The following TSPAN11 variants were observed in gnomAD, a reference collection of about 807,000 sequenced individuals.
TSPAN11 encodes the protein tetraspanin 11, also known as tetraspanin-11.
Under a neutral mutation model 32.9 loss-of-function variants are expected in TSPAN11, and 29 were observed. The observed-to-expected ratio is 0.88, with a 90% CI of 0.66 to 1.20. TSPAN11 has a LOEUF of 1.20. Among genes scored for constraint, TSPAN11 ranks in the 50% most tolerant of loss-of-function variants. TSPAN11 has a pLI of 0.00. For missense variants in TSPAN11, 283 were observed against 329.1 expected (o/e 0.86, Z 1.08); for synonymous variants, 140 against 141.3 (o/e 0.99, Z 0.07).
At chr12:30,959,867 G>C in intron 2 of TSPAN11, among the ~76,000 whole-genome samples, 1 of 151,330 alleles carries the variant, frequency 6.6e-6, no homozygotes, top group Non-Finnish European at 1.5e-5. Context: ...CAGACAGTAA[G>C]AGCACCGAGG....
At chr12:30,941,781 A>G (rs757894203) in intron 1 of TSPAN11, among the ~76,000 whole-genome samples, 2 of 152,244 alleles carry the variant, frequency 1.3e-5, no homozygotes, top group Non-Finnish European at 2.9e-5. Flanking sequence ...CCCCAGCTGC[A>G]GTCCCGCCTG....
At chr12:30,991,299 C>T (rs1205691714) in intron 7 of TSPAN11, among the ~76,000 whole-genome samples, 1 of 152,198 alleles carries the variant, frequency 6.6e-6, no homozygotes, top group Non-Finnish European at 1.5e-5. Context: ...CTCAGTTTCC[C>T]CCATGGCTCC....
At chr12:30,954,431 A>T (rs1018658659) in intron 2 of TSPAN11, 2 of 247,672 alleles carry the variant, frequency 8.1e-6, no homozygotes, top group African/African-American at 4.6e-5. Flanking sequence ...TGAAATAATA[A>T]CTTGTTTTCC....
the TSPAN11 span, among the ~76,000 whole-genome samples, chr12:31,007,458 C>A: frequency 6.6e-6 from 1 of 151,998 alleles, no homozygotes. Flanking sequence ...AGGTCGTCTG[C>A]CCTACCTGCC....
intron 2 of TSPAN11, among the ~76,000 whole-genome samples, chr12:30,959,095 G>A (rs1249542667): frequency 6.6e-6 from 1 of 152,130 alleles, no homozygotes; most frequent in Admixed American, 6.5e-5. Flanking sequence ...GGCAGGTAGG[G>A]GAGCAGATGC....
At chr12:30,936,843 G>T (rs147207533) in intron 1 of TSPAN11, among the ~76,000 whole-genome samples, 1 of 152,160 alleles carries the variant, frequency 6.6e-6, no homozygotes, top group Non-Finnish European at 1.5e-5. Flanking sequence ...CATAAATGGG[G>T]GTAGCAAAGA....
intron 1 of TSPAN11, among the ~76,000 whole-genome samples, chr12:30,945,489 C>T (rs1402852705): frequency 1.3e-5 from 2 of 152,164 alleles, no homozygotes; most frequent in Non-Finnish European, 2.9e-5. Flanking sequence ...CTCCCCAACT[C>T]TCTGCCACCC....
intron 3 of TSPAN11, among the ~76,000 whole-genome samples, chr12:30,978,109 A>C (rs1939011596): frequency 1.3e-5 from 2 of 152,020 alleles, no homozygotes; most frequent in South Asian, 4.2e-4. Flanking sequence ...GCAAATGCCT[A>C]TTCAGTCCTT....
At chr12:30,978,742 G>C (rs1055128939) in intron 4 of TSPAN11, 107 bp downstream of exon 4, 19 of 1,166,906 alleles carry the variant, frequency 1.6e-5, no homozygotes, top group Non-Finnish European at 2.4e-5. Context: ...GCACAAGGGC[G>C]GTCCTGTTTC....
At chr12:30,964,375 GTTTCC>G (rs1330547447) in intron 3 of TSPAN11, among the ~76,000 whole-genome samples, 1 of 147,598 alleles carries the variant, frequency 6.8e-6, no homozygotes, top group African/African-American at 2.6e-5. Context: ...TCCTTATCCC[GTTTCC>G]TTCTTATTCT....
chr12:30,985,272 G>A (rs987016542), intron 7 of TSPAN11, among the ~76,000 whole-genome samples: 8 of 151,986 alleles, frequency 5.3e-5, no homozygotes, highest in African/African-American at 1.9e-4. Flanking sequence ...CTGCTTGCCT[G>A]GTGGTGGGAA....
At chr12:30,990,860 G>A (rs1340409835) in intron 7 of TSPAN11, among the ~76,000 whole-genome samples, 1 of 152,210 alleles carries the variant, frequency 6.6e-6, no homozygotes, top group East Asian at 1.9e-4. Context: ...ACAGTCATGG[G>A]GCTGCTTTAG....
chr12:30,971,121 G>A (rs1045194734), intron 3 of TSPAN11, among the ~76,000 whole-genome samples: 2 of 152,122 alleles, frequency 1.3e-5, no homozygotes, highest in Non-Finnish European at 2.9e-5. Flanking sequence ...CCTGTTCTGA[G>A]AATAGGCTAG....
At chr12:30,927,122 C>T (rs1428841694) in intron 1 of TSPAN11, 1 of 988,476 alleles carries the variant, frequency 1.0e-6, no homozygotes, top group Non-Finnish European at 1.3e-6. Flanking sequence ...TCGTGCCGTC[C>T]AGCGTGCCCG....
chr12:30,957,228 A>AACC (rs1938497110), intron 2 of TSPAN11, among the ~76,000 whole-genome samples: 5 of 107,406 alleles, frequency 4.7e-5, no homozygotes, highest in South Asian at 3.1e-4. Flanking sequence ...ATGGCCTGGG[A>AACC]CCCCCCCCCC....
intron 3 of TSPAN11, among the ~76,000 whole-genome samples, chr12:30,976,149 C>T (rs1239788430): frequency 2.6e-5 from 4 of 152,140 alleles, no homozygotes; most frequent in African/African-American, 4.8e-5. Flanking sequence ...AGGGGGATCA[C>T]ACTCTGGCAT....
chr12:30,958,921 C>T (rs1164354993), intron 2 of TSPAN11, among the ~76,000 whole-genome samples: 2 of 152,060 alleles, frequency 1.3e-5, no homozygotes. Context: ...ATACCGAGGG[C>T]GCAACCCCAG....
At chr12:31,009,924 C>T in the TSPAN11 span, among the ~76,000 whole-genome samples, 4 of 152,214 alleles carry the variant, frequency 2.6e-5, no homozygotes, top group African/African-American at 9.6e-5. Context: ...GACTGCTCTT[C>T]TATTTAGTCC....
the TSPAN11 span, among the ~76,000 whole-genome samples, chr12:31,002,990 C>G: frequency 6.6e-5 from 10 of 152,192 alleles, no homozygotes; most frequent in Non-Finnish European, 1.5e-4. The surrounding 1 kb of genome is among the most constrained non-coding windows in gnomAD (Gnocchi z 4.8). Flanking sequence ...TTCTCACCCC[C>G]TGCCTGCTCA....
Sources: gnomAD v4.1 joint callset for allele counts (sites outside exome capture counted in the v4.1 genomes callset) on GRCh38, gnomAD v4.1.1 for gene constraint, Gnocchi (gnomAD v3.1) non-coding constraint, MANE v1.5 for transcripts, NCBI Gene and HGNC (gene_info 2026-07-23, HGNC 2026-07-21) for gene names.